The following CDKAL1 variants were observed in gnomAD, a reference collection of about 807,000 sequenced individuals.
The protein encoded by CDKAL1 is threonylcarbamoyladenosine tRNA methylthiotransferase.
In CDKAL1, 32 loss-of-function variants were observed where a neutral mutation model predicts 68.2. The observed-to-expected ratio is 0.47, with a 90% CI of 0.35 to 0.63. The LOEUF is 0.63. Among genes scored for constraint, CDKAL1 ranks in the 30% least tolerant of loss-of-function variants. The probability of loss-of-function intolerance (pLI) is 0.00; values close to 1 mark genes in which losing one functional copy is unlikely to be tolerated. For missense variants in CDKAL1, 606 were observed against 696.7 expected, an observed-to-expected ratio of 0.87 and a Z score of 1.47; for synonymous variants, 234 against 244.3, an observed-to-expected ratio of 0.96 and a Z score of 0.39.
intron 5 of CDKAL1, among the ~76,000 whole-genome samples, chr6:20,698,206 A>C (rs1200604366): frequency 2.0e-5 from 3 of 152,198 alleles, no homozygotes; most frequent in African/African-American, 7.2e-5. Flanking sequence ...ATGAACATTC[A>C]AAATCCCCAC....
intron 8 of CDKAL1, among the ~76,000 whole-genome samples, chr6:20,797,359 G>A (rs1412632534): frequency 6.6e-6 from 1 of 152,174 alleles, no homozygotes; most frequent in Non-Finnish European, 1.5e-5. Flanking sequence ...TACTGGAGAG[G>A]ATGTAGAGCA....
At chr6:21,210,999 A>G (rs1321337901) in intron 15 of CDKAL1, among the ~76,000 whole-genome samples, 1 of 152,172 alleles carries the variant, frequency 6.6e-6, no homozygotes, top group Non-Finnish European at 1.5e-5. Flanking sequence ...CATATATCAC[A>G]TCTGACTGTG....
chr6:20,664,302 T>TA (rs5874781), intron 5 of CDKAL1, among the ~76,000 whole-genome samples: 28,053 of 152,006 alleles, frequency 0.18, 2,773 homozygotes, highest in African/African-American at 0.23. Context: ...ATAGAAAGTG[T>TA]TTTGGGAAAA....
At chr6:20,953,542 T>G (rs952745412) in intron 9 of CDKAL1, among the ~76,000 whole-genome samples, 3 of 152,218 alleles carry the variant, frequency 2.0e-5, no homozygotes, top group Non-Finnish European at 4.4e-5. Flanking sequence ...TGTTGTTACT[T>G]AGCCATCTCT....
At chr6:20,644,619 G>T (rs1355944249) in intron 4 of CDKAL1, among the ~76,000 whole-genome samples, 1 of 152,208 alleles carries the variant, frequency 6.6e-6, no homozygotes, top group Non-Finnish European at 1.5e-5. Context: ...GGCAGAGCTT[G>T]CAGTGAGCCG....
chr6:20,914,424 A>C (rs1360991465), intron 9 of CDKAL1, among the ~76,000 whole-genome samples: 1 of 152,010 alleles, frequency 6.6e-6, no homozygotes, highest in Non-Finnish European at 1.5e-5. Context: ...ACCGAGTTTT[A>C]TGGTTTTTTT....
At chr6:21,122,625 TTTATTTATTTA>T (rs1774782623) in intron 13 of CDKAL1, among the ~76,000 whole-genome samples, 2 of 37,508 alleles carry the variant, frequency 5.3e-5, no homozygotes, top group South Asian at 1.1e-3. Flanking sequence ...CTGTATTTTA[TTTATTTATTTA>T]TTTATTTATT....
At chr6:20,745,345 G>C (rs1773620362) in intron 6 of CDKAL1, among the ~76,000 whole-genome samples, 1 of 152,186 alleles carries the variant, frequency 6.6e-6, no homozygotes, top group Non-Finnish European at 1.5e-5. Context: ...ACAAAGTGGA[G>C]CAGTGTCACA....
chr6:20,857,472 T>C (rs1759395574), intron 9 of CDKAL1, among the ~76,000 whole-genome samples: 1 of 152,192 alleles, frequency 6.6e-6, no homozygotes, highest in East Asian at 1.9e-4. Context: ...TAAAAGTAGA[T>C]TTTAAACACC....
intron 5 of CDKAL1, among the ~76,000 whole-genome samples, chr6:20,725,799 A>G (rs527416632): frequency 1.4e-3 from 217 of 151,660 alleles, no homozygotes; most frequent in African/African-American, 4.0e-3. Context: ...AAAAAAAAAA[A>G]AAAAAGAAAA....
intron 11 of CDKAL1, among the ~76,000 whole-genome samples, chr6:21,028,911 C>A (rs1329738235): frequency 6.6e-6 from 1 of 152,146 alleles, no homozygotes; most frequent in African/African-American, 2.4e-5. Flanking sequence ...ATCTTTGAGA[C>A]CTTTTTGTTT....
intron 2 of CDKAL1, among the ~76,000 whole-genome samples, chr6:20,540,148 A>G (rs1007380170): frequency 2.0e-5 from 3 of 148,218 alleles, no homozygotes; most frequent in African/African-American, 7.6e-5. Flanking sequence ...ATCTTGGCTC[A>G]CTGCAACCTC....
At chr6:20,584,526 G>A (rs1447869347) in intron 4 of CDKAL1, among the ~76,000 whole-genome samples, 1 of 152,218 alleles carries the variant, frequency 6.6e-6, no homozygotes, top group African/African-American at 2.4e-5. Context: ...AAGGTGGGAT[G>A]TGGTTGGTCA....
chr6:20,996,226 A>G (rs1182134848), intron 10 of CDKAL1, among the ~76,000 whole-genome samples: 1 of 152,232 alleles, frequency 6.6e-6, no homozygotes, highest in Non-Finnish European at 1.5e-5. Flanking sequence ...CATATCAGCA[A>G]TAAGGCTGTT....
chr6:21,138,879 C>T (rs1775754832), intron 13 of CDKAL1, among the ~76,000 whole-genome samples: 1 of 152,222 alleles, frequency 6.6e-6, no homozygotes, highest in Non-Finnish European at 1.5e-5. Flanking sequence ...CAGTTTGTCT[C>T]CTCCGGCAGC....
chr6:20,649,718 C>G (rs1768659536), intron 5 of CDKAL1, among the ~76,000 whole-genome samples: 6 of 152,132 alleles, frequency 3.9e-5, no homozygotes, highest in Admixed American at 3.9e-4. Context: ...GATGCTCTCC[C>G]TTCCCCCACC....
At chr6:20,850,658 G>T (rs1182690429) in intron 9 of CDKAL1, among the ~76,000 whole-genome samples, 2 of 151,964 alleles carry the variant, frequency 1.3e-5, no homozygotes, top group African/African-American at 2.4e-5. Context: ...GGCTGGTCTT[G>T]AACTCCTGGC....
chr6:20,541,002 G>A (rs574150176), intron 2 of CDKAL1, among the ~76,000 whole-genome samples: 2 of 152,200 alleles, frequency 1.3e-5, no homozygotes, highest in Non-Finnish European at 2.9e-5. Flanking sequence ...GAGATGAGCA[G>A]AGGAGACTGG....
rs142257442 is a variant in CDKAL1 at position 21,149,352 on chromosome 6, G to A, written c.1299+40889G>A. 3.3e-3 allele frequency among the ~76,000 whole-genome samples: 501 copies of A among 152,076 alleles called. 2 individuals carry two copies. The highest frequency in any genetic ancestry group is 0.011 in the African/African-American group (472 of 41,482). On this transcript the variant is annotated intron_variant, in intron 13 of 15. Coordinates refer to ENST00000274695, the MANE Select transcript of CDKAL1 (RefSeq NM_017774.3). ...GTAGAGACAGGGTTTCGCCATGTTA[G>A]CCAGGCTGGTCTCAAACTCCTGACT...
Sources: allele counts gnomAD v4.1 joint callset (sites outside exome capture counted in the v4.1 genomes callset), GRCh38; gene constraint gnomAD v4.1.1; transcripts MANE v1.5; gene names NCBI Gene and HGNC (gene_info 2026-07-23, HGNC 2026-07-21).